OR2C1: variants seen among roughly 807,000 people sequenced by gnomAD.
OR2C1 encodes the protein olfactory receptor 2C1.
For missense variants in OR2C1, 468 were observed against 388.3 expected (o/e 1.21, Z -1.73); for synonymous variants, 209 against 167.3 (o/e 1.25, Z -1.92).
chr16:3,345,347 G>T, the OR2C1 span, among the ~76,000 whole-genome samples: 1 of 151,502 alleles, frequency 6.6e-6, no homozygotes, highest in Non-Finnish European at 1.5e-5. Context: ...TTAGCCGGGC[G>T]TGATGGCGGG....
the OR2C1 span, among the ~76,000 whole-genome samples, chr16:3,332,062 T>C: frequency 1.6e-5 from 2 of 125,118 alleles, no homozygotes; most frequent in African/African-American, 6.1e-5. Context: ...AACATCTCAC[T>C]CTGGGGCCTG....
chr16:3,339,359 C>A, the OR2C1 span, among the ~76,000 whole-genome samples: 11 of 147,442 alleles, frequency 7.5e-5, no homozygotes, highest in South Asian at 2.1e-4. Flanking sequence ...GTTTTCAATT[C>A]TTTTGGGTAT....
Position 3,356,564 on chromosome 16 carries a change from A to T in OR2C1, c.624A>T (p.Ala208=), listed in dbSNP as rs62000974. Residue 208 remains alanine (A), a synonymous_variant, in exon 1 of 1, where the codon GCA becomes GCT. Coordinates refer to ENST00000304936, the MANE Select transcript of OR2C1 (RefSeq NM_012368.3). ...VLNGVCTFFT[A]VPLSIIVISY... ...ATGGTGTCTGCACCTTCTTCACTGC[A>T]GTCCCACTAAGCATCATCGTGATCT... is the stretch of plus-strand genomic sequence containing the variant. 2,520 of 1,614,206 alleles carry T rather than the reference A, an allele frequency of 1.6e-3. 29 individuals carry two copies. In the African/African-American group the frequency reaches 0.029, roughly 19 times the overall value.
At chr16:3,347,577 C>T in the OR2C1 span, among the ~76,000 whole-genome samples, 2 of 151,740 alleles carry the variant, frequency 1.3e-5, no homozygotes, top group Non-Finnish European at 2.9e-5. Flanking sequence ...TTTTTCTTTC[C>T]TTCCAGAGAT....
the OR2C1 span, among the ~76,000 whole-genome samples, chr16:3,346,931 C>A: frequency 6.6e-5 from 10 of 150,868 alleles, no homozygotes; most frequent in Non-Finnish European, 1.2e-4. Context: ...CACCCCTGGC[C>A]TCCTTTATAA....
At chr16:3,325,547 G>C in the OR2C1 span, among the ~76,000 whole-genome samples, 13 of 148,696 alleles carry the variant, frequency 8.7e-5, no homozygotes. Context: ...GTGAGTGTGT[G>C]CTGTTGGAAA....
the OR2C1 span, among the ~76,000 whole-genome samples, chr16:3,333,916 A>T: frequency 1.3e-5 from 2 of 151,580 alleles, no homozygotes; most frequent in South Asian, 4.2e-4. Context: ...CTACCTATGT[A>T]TATCCACTTT....
the OR2C1 span, among the ~76,000 whole-genome samples, chr16:3,344,901 C>T: frequency 6.6e-6 from 1 of 151,902 alleles, no homozygotes; most frequent in Non-Finnish European, 1.5e-5. Flanking sequence ...GTTATGGACT[C>T]CCCTTTATGG....
chr16:3,331,373 C>T, the OR2C1 span, among the ~76,000 whole-genome samples: 5 of 151,386 alleles, frequency 3.3e-5, no homozygotes, highest in Non-Finnish European at 3.0e-5. Flanking sequence ...TTTTGCTGTG[C>T]AGAAGCTCTT....
At chr16:3,324,434 C>T in the OR2C1 span, among the ~76,000 whole-genome samples, 1 of 152,138 alleles carries the variant, frequency 6.6e-6, no homozygotes, top group Non-Finnish European at 1.5e-5. Context: ...AGGCAATTCA[C>T]CTGCATAGCA....
chr16:3,353,658 A>T (rs1053714027), upstream of OR2C1, among the ~76,000 whole-genome samples: 1 of 150,538 alleles, frequency 6.6e-6, no homozygotes. Flanking sequence ...AAAATTAGTC[A>T]GGCGTGGTGG....
chr16:3,345,256 C>G, the OR2C1 span, among the ~76,000 whole-genome samples: 310 of 151,808 alleles, frequency 2.0e-3, no homozygotes, highest in Non-Finnish European at 3.3e-3. Flanking sequence ...ATCATGAGGT[C>G]GGCAGATCAC....
chr16:3,356,413 T>C lies in OR2C1; in HGVS notation c.473T>C (p.Ile158Thr). 6 of 1,613,854 alleles carry C rather than the reference T, an allele frequency of 3.7e-6. No homozygotes were observed. Among genetic ancestry groups the C allele is most frequent in the Non-Finnish European group, 5.1e-6 (6 of 1,180,030 alleles). Residue 158 changes from isoleucine (I) to threonine (T), a missense_variant, in exon 1 of 1, where the codon ATC becomes ACC. Ile to Thr is a moderately conservative substitution (Grantham distance 89). Coordinates refer to ENST00000304936, the MANE Select transcript of OR2C1 (RefSeq NM_012368.3). ...ACLGGLGNSV[I>T]QSTFTLQLPL... ...CTGGGTGGCTTGGGCAACTCTGTGA[T>C]CCAGTCAACATTCACTCTGCAGCTC...
In OR2C1 at chr16:3,356,206, G is replaced by A. The variant is rs1362677396; in HGVS notation, c.266G>A (p.Gly89Asp). Residue 89 changes from glycine (G) to aspartate (D), a missense_variant, in exon 1 of 1, where the codon GGC (glycine) becomes GAC (aspartate). Coordinates refer to ENST00000304936, the MANE Select transcript of OR2C1 (RefSeq NM_012368.3). The part of the protein sequence containing the change: ...PQMLINLWGP[G>D]KTISYGGCIT... ...ATGCTGATCAATTTATGGGGACCAGGCAAGACCATCAGCTATGGTGGCTGC... is the reference window on the plus strand; with the variant it reads ...ATGCTGATCAATTTATGGGGACCAGACAAGACCATCAGCTATGGTGGCTGC... 6.2e-7 allele frequency: 1 copy of A among 1,614,166 alleles called. No homozygotes were observed. Among genetic ancestry groups the A allele is most frequent in the Non-Finnish European group, 8.5e-7 (1 of 1,180,038 alleles).
In OR2C1 at chr16:3,356,041, C is replaced by G; in HGVS notation, c.101C>G (p.Ser34Cys). ...EMIFFIAILF[S>C]YLLTLLGNST... ...ATCTTTTTTATAGCCATCCTCTTCT[C>G]CTATTTGCTGACCCTACTTGGGAAC... Residue 34 changes from serine to cysteine, a missense_variant, in exon 1 of 1, where the codon TCC becomes TGC. Coordinates refer to ENST00000304936, the MANE Select transcript of OR2C1 (RefSeq NM_012368.3). The G allele has an allele frequency of 6.2e-7, 1 of 1,614,108 alleles. No individual in the cohort carries two copies. Among genetic ancestry groups the G allele is most frequent in the Non-Finnish European group, 8.5e-7 (1 of 1,179,992 alleles).
At chr16:3,357,753 G>A (rs189874606), downstream of OR2C1, among the ~76,000 whole-genome samples, 85 of 152,172 alleles carry the variant, frequency 5.6e-4, no homozygotes, top group Non-Finnish European at 7.4e-5. Context: ...AGGCCGAGGC[G>A]GGTGGATCAC....
chr16:3,323,106 T>A, the OR2C1 span: 1 of 548,032 alleles, frequency 1.8e-6, no homozygotes, highest in Non-Finnish European at 3.0e-6. Context: ...TGAAGATACT[T>A]GATAAAAAAA....
the OR2C1 span, chr16:3,323,504 C>G: frequency 1.4e-6 from 1 of 740,518 alleles, no homozygotes; most frequent in African/African-American, 1.7e-5. Context: ...ATTTGGAAAT[C>G]CCCAGATCAC....
chr16:3,351,376 AAGG>A (rs2030572557), upstream of OR2C1, among the ~76,000 whole-genome samples: 1 of 151,674 alleles, frequency 6.6e-6, no homozygotes, highest in African/African-American at 2.4e-5. Flanking sequence ...TTCCATAGAG[AAGG>A]AGAAGGAGAG....
Sources: allele counts gnomAD v4.1 joint callset (sites outside exome capture counted in the v4.1 genomes callset), GRCh38; gene constraint gnomAD v4.1.1; transcripts MANE v1.5; gene names NCBI Gene and HGNC (gene_info 2026-07-23, HGNC 2026-07-21).